Variants in FLI1 observed in about 807,000 individuals in gnomAD.
FLI1 encodes Friend leukemia integration 1 transcription factor.
FLI1 carries 13 observed loss-of-function variants against 53.1 expected under a neutral mutation model. The observed-to-expected ratio is 0.24, with a 90% CI of 0.16 to 0.39. FLI1 has a LOEUF of 0.39. Among genes scored for constraint, FLI1 ranks in the 10% least tolerant of loss-of-function variants. The pLI is 1.00. For synonymous variants in FLI1, 244 were observed against 236.7 expected (o/e 1.03, Z -0.28); for missense variants, 424 against 600.5 (o/e 0.71, Z 3.07).
At chr11:128,781,845 C>T in intron 4 of FLI1, 113 bp from the exon 5 acceptor site, 2 of 819,242 alleles carry the variant, frequency 2.4e-6, no homozygotes. Context: ...AGTCCTCTGT[C>T]CCTCTTCCCC....
chr11:128,770,316 G>A (rs929566246), intron 3 of FLI1, among the ~76,000 whole-genome samples: 2 of 152,110 alleles, frequency 1.3e-5, no homozygotes, highest in African/African-American at 2.4e-5. Context: ...TTTTAGCTCC[G>A]GCTAGATCTT....
chr11:128,773,075 G>C (rs997017856), intron 4 of FLI1, 90 bp downstream of exon 4: 10 of 1,210,084 alleles, frequency 8.3e-6, no homozygotes, highest in Non-Finnish European at 1.1e-5. Flanking sequence ...GTTCGTGTTG[G>C]GCAGATGCCG....
intron 5 of FLI1, among the ~76,000 whole-genome samples, chr11:128,790,872 C>T (rs758966251): frequency 3.3e-5 from 5 of 152,184 alleles, no homozygotes; most frequent in South Asian, 4.1e-4. Context: ...TAATGAAACG[C>T]ATCACCATAC....
rs377549378 is a variant in FLI1 at position 128,781,172 on chromosome 11, C to T, written c.590-786C>T. Among the ~76,000 whole-genome samples the T allele has an allele frequency of 1.8e-4, 27 of 152,334 alleles. 1 individual carries two copies. The South Asian group carries it at 3.7e-3, about 21-fold the overall frequency. ...AACGCGTGACTCCTCAGGTTCAGTG[C>T]GTGCTCTTAGACATAGGTGAAGGGA... On this transcript the variant is annotated intron_variant, in intron 4 of 8. Coordinates refer to ENST00000527786, the MANE Select transcript of FLI1 (RefSeq NM_002017.5).
At chr11:128,778,767 C>T (rs1037253364) in intron 4 of FLI1, among the ~76,000 whole-genome samples, 1 of 152,200 alleles carries the variant, frequency 6.6e-6, no homozygotes, top group Admixed American at 6.5e-5. Context: ...GCAGCACAGG[C>T]CTGTGGCAGG....
At chr11:128,788,030 T>G (rs1942150403) in intron 5 of FLI1, among the ~76,000 whole-genome samples, 1 of 151,394 alleles carries the variant, frequency 6.6e-6, no homozygotes, top group African/African-American at 2.4e-5. Flanking sequence ...CAGGATGGTC[T>G]CGACCTCCTG....
chr11:128,748,737 G>A (rs1276523439), intron 1 of FLI1, among the ~76,000 whole-genome samples: 1 of 152,214 alleles, frequency 6.6e-6, no homozygotes, highest in African/African-American at 2.4e-5. Flanking sequence ...CGGCAAAGTG[G>A]AAACGGTTTA....
chr11:128,728,531 C>G (rs1939569531), intron 1 of FLI1, among the ~76,000 whole-genome samples: 2 of 152,230 alleles, frequency 1.3e-5, no homozygotes, highest in Admixed American at 1.3e-4. Context: ...TGCAGTGGCC[C>G]CTGTGAGTAA....
chr11:128,807,162 CT>C lies in FLI1; in HGVS notation c.722-15del. 6.3e-7 allele frequency: 1 copy of C among 1,577,416 alleles called. No individual in the cohort carries two copies. The highest frequency in any genetic ancestry group is 8.6e-7 in the Non-Finnish European group (1 of 1,161,092). ...GAGCTGGGTCCTACTCACTGCATTT[CT>C]TTCCCTCTTGCCACAGGTCCTCCCC... On this transcript the variant is annotated splice_polypyrimidine_tract_variant and intron_variant, in intron 6 of 8. Coordinates refer to ENST00000527786, the MANE Select transcript of FLI1 (RefSeq NM_002017.5).
intron 1 of FLI1, among the ~76,000 whole-genome samples, chr11:128,696,296 A>G (rs1404616997): frequency 1.3e-5 from 2 of 152,238 alleles, no homozygotes; most frequent in African/African-American, 4.8e-5. Flanking sequence ...GTCTCCAAGC[A>G]TTCTGCAAGA....
intron 2 of FLI1, chr11:128,764,594 G>T: frequency 6.7e-7 from 1 of 1,484,324 alleles, no homozygotes; most frequent in East Asian, 2.5e-5. Flanking sequence ...AAGCTGAATG[G>T]CAAAACCTCG....
intron 8 of FLI1, 133 bp downstream of exon 8, chr11:128,809,337 T>C: frequency 1.3e-6 from 1 of 780,548 alleles, no homozygotes; most frequent in East Asian, 2.6e-5. Context: ...AAATGTTCAA[T>C]GTCTGTTTCT....
intron 5 of FLI1, among the ~76,000 whole-genome samples, chr11:128,789,409 C>T (rs943832741): frequency 6.6e-6 from 1 of 152,014 alleles, no homozygotes; most frequent in African/African-American, 2.4e-5. Flanking sequence ...CCGGGGAGGG[C>T]GGAGTAGGTG....
intron 1 of FLI1, among the ~76,000 whole-genome samples, chr11:128,714,747 T>C (rs1938933384): frequency 6.9e-6 from 1 of 144,796 alleles, no homozygotes; most frequent in Non-Finnish European, 1.5e-5. Flanking sequence ...TCTTGCTCTG[T>C]CACCAGGCTG....
intron 4 of FLI1, among the ~76,000 whole-genome samples, chr11:128,777,275 A>G (rs1941763225): frequency 6.6e-6 from 1 of 152,178 alleles, no homozygotes; most frequent in Admixed American, 6.5e-5. Context: ...GGAGGCAGAA[A>G]GAAAAAGAGC....
chr11:128,735,764 C>T (rs191178675), intron 1 of FLI1, among the ~76,000 whole-genome samples: 1 of 152,220 alleles, frequency 6.6e-6, no homozygotes, highest in Non-Finnish European at 1.5e-5. Flanking sequence ...AGCCTCCCCC[C>T]ACCTTTAGAT....
chr11:128,748,505 C>G (rs761987188), intron 1 of FLI1, among the ~76,000 whole-genome samples: 1 of 151,960 alleles, frequency 6.6e-6, no homozygotes, highest in South Asian at 2.1e-4. Flanking sequence ...TGGTGGTGGG[C>G]GCCTGTAATC....
At chr11:128,739,305 G>T (rs542760832) in intron 1 of FLI1, among the ~76,000 whole-genome samples, 4 of 152,150 alleles carry the variant, frequency 2.6e-5, no homozygotes, top group Non-Finnish European at 5.9e-5. Context: ...ATGAGCTGTG[G>T]GGTAGAGGGA....
At chr11:128,790,495 C>G (rs1277464348) in intron 5 of FLI1, among the ~76,000 whole-genome samples, 3 of 152,206 alleles carry the variant, frequency 2.0e-5, no homozygotes, top group African/African-American at 7.2e-5. Context: ...GACAGCTTGT[C>G]TGGGACACTT....
Sources: gnomAD v4.1 joint callset for allele counts (sites outside exome capture counted in the v4.1 genomes callset) on GRCh38, gnomAD v4.1.1 for gene constraint, MANE v1.5 for transcripts, NCBI Gene and HGNC (gene_info 2026-07-23, HGNC 2026-07-21) for gene names.